The following LSAMP variants were observed in gnomAD, a reference collection of about 807,000 sequenced individuals.
LSAMP encodes the protein limbic system-associated membrane protein.
Under a neutral mutation model 38.6 loss-of-function variants are expected in LSAMP, and 7 were observed. The observed-to-expected ratio is 0.18, with a 90% CI of 0.10 to 0.34. LSAMP has a LOEUF of 0.34. LSAMP is among the 10% of genes least tolerant of loss of function. The pLI is 1.00. For synonymous variants in LSAMP, 154 were observed against 166.8 expected (o/e 0.92, Z 0.59); for missense variants, 313 against 420.0 (o/e 0.75, Z 2.23).
intron 1 of LSAMP, among the ~76,000 whole-genome samples, chr3:116,262,513 C>T (rs2046837382): frequency 6.6e-6 from 1 of 152,120 alleles, no homozygotes; most frequent in African/African-American, 2.4e-5. Flanking sequence ...ATAAGATGCC[C>T]AAGCCCTGTC....
intron 2 of LSAMP, among the ~76,000 whole-genome samples, chr3:116,067,535 C>G (rs1248698590): frequency 6.6e-6 from 1 of 152,216 alleles, no homozygotes; most frequent in Non-Finnish European, 1.5e-5. Flanking sequence ...CCAGCTGTCA[C>G]AAGCAGCAAA....
At chr3:116,063,381 AAG>A (rs1327842845) in intron 2 of LSAMP, among the ~76,000 whole-genome samples, 2 of 152,180 alleles carry the variant, frequency 1.3e-5, no homozygotes, top group East Asian at 1.9e-4. Flanking sequence ...TAATGGGAAA[AAG>A]AGATTTATTC....
intron 1 of LSAMP, among the ~76,000 whole-genome samples, chr3:116,435,193 T>C (rs995501380): frequency 6.6e-6 from 1 of 152,162 alleles, no homozygotes; most frequent in African/African-American, 2.4e-5. Context: ...TTACTATAGC[T>C]TTGGTACAGA....
At chr3:115,984,921 A>G (rs537182628) in intron 3 of LSAMP, among the ~76,000 whole-genome samples, 21 of 152,304 alleles carry the variant, frequency 1.4e-4, no homozygotes, top group African/African-American at 4.6e-4. Context: ...TATTCCATAG[A>G]TGGTGAGCAG....
intron 3 of LSAMP, among the ~76,000 whole-genome samples, chr3:115,913,294 A>G (rs1012653837): frequency 5.3e-5 from 8 of 152,220 alleles, no homozygotes; most frequent in African/African-American, 1.4e-4. Flanking sequence ...AAATGATACT[A>G]TGTTTCTCTC....
chr3:115,831,231 G>A (rs1934598192), intron 6 of LSAMP, among the ~76,000 whole-genome samples: 1 of 152,142 alleles, frequency 6.6e-6, no homozygotes, highest in African/African-American at 2.4e-5. Flanking sequence ...TTAGTGAATG[G>A]AAAGGCTGTT....
chr3:116,149,627 T>TAC (rs1391375460), intron 1 of LSAMP, among the ~76,000 whole-genome samples: 2 of 130,944 alleles, frequency 1.5e-5, no homozygotes, highest in East Asian at 2.3e-4. Flanking sequence ...TCTGATCTTT[T>TAC]GGGGGCTGGG....
At chr3:116,022,171 G>T (rs1482831010) in intron 2 of LSAMP, among the ~76,000 whole-genome samples, 1 of 151,386 alleles carries the variant, frequency 6.6e-6, no homozygotes, top group Non-Finnish European at 1.5e-5. Context: ...CCTCCCATAA[G>T]CATGTACATA....
chr3:116,430,588 A>C (rs1326621764), intron 1 of LSAMP, among the ~76,000 whole-genome samples: 1 of 152,172 alleles, frequency 6.6e-6, no homozygotes, highest in Admixed American at 6.6e-5. Context: ...TTTACAAAAT[A>C]AATACACCTA....
At chr3:116,370,164 C>T (rs2048411205) in intron 1 of LSAMP, 1 of 152,082 alleles carries the variant, frequency 6.6e-6, no homozygotes, top group African/African-American at 2.4e-5. Context: ...ATTCTATGCA[C>T]ACAACAATTT....
At chr3:115,967,748 G>A (rs372109186) in intron 3 of LSAMP, among the ~76,000 whole-genome samples, 1 of 152,124 alleles carries the variant, frequency 6.6e-6, no homozygotes. Context: ...AGCCTGTGTA[G>A]GGAAACTCCC....
intron 2 of LSAMP, among the ~76,000 whole-genome samples, chr3:116,058,841 T>C (rs978268799): frequency 5.9e-5 from 9 of 152,172 alleles, no homozygotes; most frequent in Non-Finnish European, 8.8e-5. Context: ...CACGTGTTTC[T>C]AAGACACATA....
intron 3 of LSAMP, among the ~76,000 whole-genome samples, chr3:115,889,977 C>G (rs1311208709): frequency 6.6e-6 from 1 of 151,940 alleles, no homozygotes; most frequent in African/African-American, 2.4e-5. Flanking sequence ...GCAACTCTCC[C>G]ATTTGTTATT....
chr3:116,432,897 A>G (rs2049300123), intron 1 of LSAMP, among the ~76,000 whole-genome samples: 1 of 152,212 alleles, frequency 6.6e-6, no homozygotes, highest in African/African-American at 2.4e-5. Context: ...GGTCAGAAAG[A>G]GAGACAAAGA....
At chr3:116,042,755 T>G (rs1941203239) in intron 2 of LSAMP, among the ~76,000 whole-genome samples, 1 of 152,182 alleles carries the variant, frequency 6.6e-6, no homozygotes, top group African/African-American at 2.4e-5. Flanking sequence ...TCAAGTAATC[T>G]GTCTGCATGA....
intron 2 of LSAMP, among the ~76,000 whole-genome samples, chr3:116,083,168 T>C (rs1205126639): frequency 6.6e-6 from 1 of 151,806 alleles, no homozygotes; most frequent in Admixed American, 6.6e-5. Context: ...AGGCAACGAG[T>C]GAAAGCGTCT....
intron 3 of LSAMP, among the ~76,000 whole-genome samples, chr3:115,890,463 A>T (rs1398072300): frequency 6.6e-6 from 1 of 151,946 alleles, no homozygotes. Flanking sequence ...CTTACAGACC[A>T]CATTACTAGT....
chr3:116,355,431 A>G (rs2048210278), intron 1 of LSAMP, among the ~76,000 whole-genome samples: 1 of 152,222 alleles, frequency 6.6e-6, no homozygotes, highest in Non-Finnish European at 1.5e-5. Context: ...ATATACAAAA[A>G]TCAAAATCAG....
At chr3:116,377,345 T>C (rs1240147863) in intron 1 of LSAMP, among the ~76,000 whole-genome samples, 1 of 152,060 alleles carries the variant, frequency 6.6e-6, no homozygotes, top group Non-Finnish European at 1.5e-5. Context: ...TTTTCTGTTC[T>C]TGCGTTAGTT....
Sources: allele counts gnomAD v4.1 joint callset (sites outside exome capture counted in the v4.1 genomes callset), GRCh38; gene constraint gnomAD v4.1.1; transcripts MANE v1.5; gene names NCBI Gene and HGNC (gene_info 2026-07-23, HGNC 2026-07-21).